Variants in FAT3 observed in about 807,000 individuals in gnomAD.
FAT3 encodes FAT atypical cadherin 3, also known as protocadherin Fat 3.
FAT3 carries 95 observed loss-of-function variants against 310.2 expected under a neutral mutation model. The ratio of observed to expected loss-of-function variants is 0.31; its 90% confidence interval spans 0.26 to 0.36. FAT3 has a LOEUF of 0.36. Ranked by LOEUF, FAT3 falls within the 10% of genes least tolerant of loss-of-function variation. The pLI is 1.00. For synonymous variants in FAT3, 2,314 were observed against 2,192.9 expected, an observed-to-expected ratio of 1.06 and a Z score of -1.54; for missense variants, 5,408 against 5,715.6, an observed-to-expected ratio of 0.95 and a Z score of 1.74.
chr11:92,810,068 C>G lies in FAT3; in HGVS notation c.9473C>G (p.Pro3158Arg), dbSNP rs772927544. The G allele has an allele frequency of 6.2e-7, 1 of 1,613,594 alleles. No homozygotes were observed. Among genetic ancestry groups the G allele is most frequent in the Non-Finnish European group, 8.5e-7 (1 of 1,179,722 alleles). The change falls in exon 13 of 28, where the codon CCC becomes CGC. Residue 3158 changes from proline (P) to arginine (R), a missense_variant. By Grantham distance (103) the Pro-to-Arg change is moderately radical. This residue lies in a region of FAT3 where 4,588 missense variants were observed against 4,809.8 expected (regional missense o/e 0.95). Coordinates refer to ENST00000525166, the MANE Select transcript of FAT3 (RefSeq NM_001367949.2). The part of the protein sequence containing the change: ...ALLTRVQAVD[P>R]DIGINRKVVY... ...TTGACCAGAGTTCAAGCCGTGGACC[C>G]CGACATTGGTAAGTCAGTTGCAGGC... is the stretch of plus-strand genomic sequence containing the variant.
Position 92,694,961 on chromosome 11 carries a change from G to A in FAT3, c.3608-2423G>A, listed in dbSNP as rs1012519564. ...GCCCAAAAATGAAGGTGTCAGATAT[G>A]TGTGTTAGACATCCACTGGGGTGAC... On this transcript the variant is annotated intron_variant, in intron 3 of 27. Coordinates refer to ENST00000525166, the MANE Select transcript of FAT3 (RefSeq NM_001367949.2). Among the ~76,000 whole-genome samples the A allele has an allele frequency of 2.6e-5, 4 of 152,158 alleles. 1 individual carries two copies. Among genetic ancestry groups the A allele is most frequent in the African/African-American group, 9.7e-5 (4 of 41,434 alleles).
intron 1 of FAT3, among the ~76,000 whole-genome samples, chr11:92,348,415 A>T (rs1948472132): frequency 6.6e-6 from 1 of 152,224 alleles, no homozygotes; most frequent in Non-Finnish European, 1.5e-5. Flanking sequence ...AGTTAAATTG[A>T]ATGATACATT....
chr11:92,540,042 C>G (rs1468967390), intron 3 of FAT3, among the ~76,000 whole-genome samples: 1 of 152,164 alleles, frequency 6.6e-6, no homozygotes, highest in East Asian at 1.9e-4. Context: ...TGTAGCCCAT[C>G]ATGCATACAA....
intron 3 of FAT3, among the ~76,000 whole-genome samples, chr11:92,687,346 G>A (rs1396532413): frequency 6.6e-6 from 1 of 152,158 alleles, no homozygotes; most frequent in Non-Finnish European, 1.5e-5. Flanking sequence ...CCAGGACTTA[G>A]ACCCAAGTTT....
At chr11:92,583,015 C>T (rs1425162580) in intron 3 of FAT3, among the ~76,000 whole-genome samples, 4 of 151,474 alleles carry the variant, frequency 2.6e-5, no homozygotes, top group Non-Finnish European at 5.9e-5. Flanking sequence ...ATATACTCCC[C>T]TGTAAATATT....
intron 3 of FAT3, among the ~76,000 whole-genome samples, chr11:92,596,637 T>C (rs185447656): frequency 5.9e-5 from 9 of 152,294 alleles, no homozygotes; most frequent in African/African-American, 2.2e-4. Context: ...CTCATTGTTA[T>C]CCAATTATAA....
At chr11:92,656,243 G>C (rs889348368) in intron 3 of FAT3, among the ~76,000 whole-genome samples, 4 of 152,176 alleles carry the variant, frequency 2.6e-5, no homozygotes, top group African/African-American at 9.7e-5. Context: ...AAAGATGGGG[G>C]TTGGTTGTTG....
At chr11:92,418,434 CCA>C (rs1491574118) in intron 2 of FAT3, among the ~76,000 whole-genome samples, 1 of 109,208 alleles carries the variant, frequency 9.2e-6, no homozygotes, top group Admixed American at 1.1e-4. Context: ...CCCCACCCCC[CCA>C]CACACACACA....
chr11:92,430,772 G>T (rs1591280022), intron 2 of FAT3, among the ~76,000 whole-genome samples: 1 of 140,086 alleles, frequency 7.1e-6, no homozygotes, highest in African/African-American at 2.5e-5. Flanking sequence ...TTGGTTTTTT[G>T]TCCTTGCAAT....
At chr11:92,852,078 A>G (rs1200461908) in intron 19 of FAT3, among the ~76,000 whole-genome samples, 2 of 152,186 alleles carry the variant, frequency 1.3e-5, no homozygotes, top group Non-Finnish European at 2.9e-5. Context: ...GAGGGTTGCT[A>G]TCCCCAGAAA....
intron 1 of FAT3, among the ~76,000 whole-genome samples, chr11:92,318,509 C>A (rs965039014): frequency 6.6e-5 from 10 of 152,242 alleles, no homozygotes; most frequent in African/African-American, 2.4e-4. Context: ...CACCAGAATC[C>A]TCCTCCTTTT....
intron 1 of FAT3, among the ~76,000 whole-genome samples, chr11:92,330,292 TA>T (rs1335729396): frequency 6.6e-6 from 1 of 152,216 alleles, no homozygotes; most frequent in Non-Finnish European, 1.5e-5. Flanking sequence ...AATTTGGCAT[TA>T]ATCCATGGAA....
At chr11:92,265,329 T>C (rs1945907717) in intron 1 of FAT3, among the ~76,000 whole-genome samples, 1 of 152,038 alleles carries the variant, frequency 6.6e-6, no homozygotes, top group Non-Finnish European at 1.5e-5. Flanking sequence ...GTATGGTTTT[T>C]CTTCTCCCTC....
chr11:92,700,454 G>A (rs1331378542), intron 4 of FAT3, among the ~76,000 whole-genome samples: 1 of 152,208 alleles, frequency 6.6e-6, no homozygotes, highest in East Asian at 1.9e-4. Flanking sequence ...TGGGGTGGGG[G>A]CTGAGGGTGA....
intron 2 of FAT3, among the ~76,000 whole-genome samples, chr11:92,466,067 C>A (rs933429752): frequency 2.0e-5 from 3 of 152,090 alleles, no homozygotes; most frequent in African/African-American, 7.2e-5. Flanking sequence ...TATTGTCCTA[C>A]CTTCCAGATG....
In FAT3 at chr11:92,352,690, TCTA is replaced by T. The variant is rs1397718507; in HGVS notation, c.587_589del (p.Tyr196del). The T allele has an allele frequency of 1.2e-6, 2 of 1,613,720 alleles. No homozygotes were observed. The highest frequency in any genetic ancestry group is 1.7e-6 in the Non-Finnish European group (2 of 1,179,878). ...GCAGATATTGGTTCCAATGGAGAAT[TCTA>T]CTACTACTTTAAAAATAAAGTTGAT... On this transcript the variant is annotated inframe_deletion, in exon 2 of 28. Coordinates refer to ENST00000525166, the MANE Select transcript of FAT3 (RefSeq NM_001367949.2).
intron 2 of FAT3, among the ~76,000 whole-genome samples, chr11:92,517,301 A>C (rs915972977): frequency 6.6e-6 from 1 of 152,188 alleles, no homozygotes; most frequent in Non-Finnish European, 1.5e-5. Flanking sequence ...CCAAAGGGAC[A>C]GAACAGAGGC....
intron 19 of FAT3, among the ~76,000 whole-genome samples, chr11:92,852,693 C>T (rs968030801): frequency 1.3e-5 from 2 of 152,212 alleles, no homozygotes; most frequent in African/African-American, 2.4e-5. Context: ...TGATATTATT[C>T]ATCTTAGAAT....
intron 2 of FAT3, among the ~76,000 whole-genome samples, chr11:92,399,261 A>G (rs1382632705): frequency 6.6e-6 from 1 of 152,194 alleles, no homozygotes; most frequent in African/African-American, 2.4e-5. Flanking sequence ...TTTCTTGCAT[A>G]AAGCCCATAT....
Sources: allele counts gnomAD v4.1 joint callset (sites outside exome capture counted in the v4.1 genomes callset), GRCh38; gene constraint gnomAD v4.1.1; regional missense constraint gnomAD v4.1.1; transcripts MANE v1.5; gene names NCBI Gene and HGNC (gene_info 2026-07-23, HGNC 2026-07-21).